Variants in NUP107 observed in about 807,000 individuals in gnomAD.
The protein encoded by NUP107 is nuclear pore complex protein Nup107.
A neutral mutation model predicts 141.0 loss-of-function variants in NUP107; 101 were observed. The observed-to-expected ratio is 0.72, with a 90% CI of 0.61 to 0.84. The LOEUF is 0.84. Among genes scored for constraint, NUP107 ranks in the 40% least tolerant of loss-of-function variants. NUP107 has a pLI of 0.00. For missense variants in NUP107, 941 were observed against 1,102.7 expected, an observed-to-expected ratio of 0.85 and a Z score of 2.08; for synonymous variants, 319 against 363.9, an observed-to-expected ratio of 0.88 and a Z score of 1.41.
chr12:68,700,745 T>C lies in NUP107; in HGVS notation c.572T>C (p.Ile191Thr). Reference sequence around the variant, plus strand: ...ATTCAGGTGAATATACTGAGTAAAATAGTGAGTCGAGCAACACCTGGACTT... The same window carrying C: ...ATTCAGGTGAATATACTGAGTAAAACAGTGAGTCGAGCAACACCTGGACTT... ...CGSQVNILSKIVSRATPGLQK... is the reference protein window; with the variant it reads ...CGSQVNILSKTVSRATPGLQK... The change falls in exon 7 of 28, where the codon ATA (isoleucine) becomes ACA (threonine). Residue 191 changes from isoleucine to threonine, a missense_variant. Physicochemically the swap from Ile to Thr is moderately conservative, Grantham distance 89. Transcript: ENST00000229179. The C allele has an allele frequency of 6.2e-7, 1 of 1,607,966 alleles. No individual in the cohort carries two copies. Among genetic ancestry groups the C allele is most frequent in the Non-Finnish European group, 8.5e-7 (1 of 1,178,470 alleles).
At chr12:68,738,514 C>T (rs1451871771) in intron 26 of NUP107, among the ~76,000 whole-genome samples, 1 of 151,862 alleles carries the variant, frequency 6.6e-6, no homozygotes, top group Non-Finnish European at 1.5e-5. Context: ...GGCAAGTGCA[C>T]ACAATATGTA....
Position 68,688,955 on chromosome 12 carries a change from AC to A in NUP107, c.9-6del. ...TCACTTATATAAGCTTGATTATACTACTTTAGGAGTGGCTTTGGAGAGATAT... is the reference window on the plus strand; with the variant it reads ...TCACTTATATAAGCTTGATTATACTATTTAGGAGTGGCTTTGGAGAGATAT... On this transcript the variant is annotated splice_polypyrimidine_tract_variant and splice_region_variant and intron_variant, in intron 1 of 27. Transcript: ENST00000229179. 1 of 1,602,774 alleles carries A rather than the reference AC, an allele frequency of 6.2e-7. No individual in the cohort carries two copies. The highest frequency in any genetic ancestry group is 8.5e-7 in the Non-Finnish European group (1 of 1,170,798).
In NUP107 at chr12:68,710,998, T is replaced by A. The variant is rs181546631; in HGVS notation, c.890+905T>A. Among the ~76,000 whole-genome samples, 191 of 149,840 alleles carry A rather than the reference T, an allele frequency of 1.3e-3. 3 individuals carry two copies. Among genetic ancestry groups the A allele is most frequent in the Middle Eastern group, 3.4e-3 (1 of 290 alleles). On this transcript the variant is annotated intron_variant, in intron 10 of 27. Coordinates refer to ENST00000229179, the MANE Select transcript of NUP107 (RefSeq NM_020401.4). ...GAGGCTCGGCGCTGTGGTTCACACC[T>A]GTAATCCCAGCACTTTGGGAGGCTG...
intron 8 of NUP107, among the ~76,000 whole-genome samples, chr12:68,703,294 A>G (rs1876423157): frequency 6.6e-6 from 1 of 152,232 alleles, no homozygotes; most frequent in Non-Finnish European, 1.5e-5. Flanking sequence ...CTGACTATTT[A>G]GTGTAACAGT....
At chr12:68,720,037 G>T (rs1022460080) in intron 14 of NUP107, among the ~76,000 whole-genome samples, 4 of 152,074 alleles carry the variant, frequency 2.6e-5, no homozygotes, top group African/African-American at 9.7e-5. Context: ...AAGTAAGGTG[G>T]GTCTACCAGG....
chr12:68,734,939 A>AG, intron 25 of NUP107, 106 bp downstream of exon 25: 16 of 1,259,046 alleles, frequency 1.3e-5, no homozygotes, highest in Non-Finnish European at 1.8e-5. Flanking sequence ...CATAACAGGT[A>AG]ATCTCCCTGT....
rs1003856348 is a variant in NUP107, at chr12:68,720,995, G to A, written c.1252-123G>A. On this transcript the variant is annotated intron_variant, in intron 14 of 27. Transcript: ENST00000229179. ...TTACCCCACTAGATCTTTCACTAAA[G>A]TTTAAAAACTATCAAGTGAATAGGT... is the stretch of plus-strand genomic sequence containing the variant. 21 of 548,518 alleles carry A rather than the reference G, an allele frequency of 3.8e-5. No homozygotes were observed. The South Asian group carries it at 5.1e-4, about 13-fold the overall frequency. 34.0% of individuals were successfully genotyped at this position (548,518 alleles called of 1,614,324 possible).
chr12:68,730,802 T>TA (rs1354007691), intron 20 of NUP107, among the ~76,000 whole-genome samples: 52 of 150,494 alleles, frequency 3.5e-4, no homozygotes, highest in African/African-American at 1.0e-3. Flanking sequence ...CCATCTCTAC[T>TA]AAAAAAAAAT....
chr12:68,703,326 C>T (rs1218805769), intron 8 of NUP107, among the ~76,000 whole-genome samples: 1 of 152,172 alleles, frequency 6.6e-6, no homozygotes, highest in Non-Finnish European at 1.5e-5. Flanking sequence ...TCCTACCAGA[C>T]ATTTTTCTAT....
rs937013549 is a variant in NUP107, at chr12:68,707,840, C to T, written c.730-1398C>T. Among the ~76,000 whole-genome samples, 4 of 151,962 alleles carry T rather than the reference C, an allele frequency of 2.6e-5. No homozygotes were observed. In the South Asian group the frequency reaches 6.2e-4, roughly 24 times the overall value. ...GGCTGGATGAGGTGGCTCATGCCTG[C>T]GATCCCAGCACTTTGGGAGGCCGAG... On this transcript the variant is annotated intron_variant, in intron 8 of 27. Transcript: ENST00000229179.
chr12:68,691,397 A>C (rs1188580927), intron 4 of NUP107, among the ~76,000 whole-genome samples: 1 of 152,240 alleles, frequency 6.6e-6, no homozygotes, highest in East Asian at 1.9e-4. Context: ...AGGAAGAGAT[A>C]AAATGTATTA....
chr12:68,720,553 CG>C (rs1565697635), intron 14 of NUP107, among the ~76,000 whole-genome samples: 1 of 152,044 alleles, frequency 6.6e-6, no homozygotes, highest in East Asian at 1.9e-4. Flanking sequence ...TGGTCAGGAC[CG>C]GTGATTAGAA....
At chr12:68,708,871 G>A (rs1000401242) in intron 8 of NUP107, among the ~76,000 whole-genome samples, 2 of 149,876 alleles carry the variant, frequency 1.3e-5, no homozygotes, top group Admixed American at 1.3e-4. Flanking sequence ...TGCCTGCCTC[G>A]GCCTCCCAAA....
intron 8 of NUP107, among the ~76,000 whole-genome samples, chr12:68,708,760 A>T (rs1876711161): frequency 6.6e-6 from 1 of 151,988 alleles, no homozygotes; most frequent in Non-Finnish European, 1.5e-5. Context: ...CTGGGATTAC[A>T]GGCTTGCGTC....
In NUP107 at chr12:68,713,760, G is replaced by T. The variant is rs775863283; in HGVS notation, c.921G>T (p.Arg307=). 1 of 1,607,760 alleles carries T rather than the reference G, an allele frequency of 6.2e-7. No homozygotes were observed. The change falls in exon 11 of 28, where the codon CGG becomes CGT. Residue 307 remains arginine, a synonymous_variant. Coordinates refer to ENST00000229179, the MANE Select transcript of NUP107 (RefSeq NM_020401.4). ...WENTLHTLKQ[R]QLTSYVGSVR... ...ATACTCTGCATACCTTAAAACAACG[G>T]CAGCTGACTTCTTACGTTGGAAGTG...
At chr12:68,725,835 GTGT>G in intron 18 of NUP107, 39 bp downstream of exon 18, 3 of 693,304 alleles carry the variant, frequency 4.3e-6, no homozygotes, top group Non-Finnish European at 4.2e-6. Flanking sequence ...TTTTTTGTGT[GTGT>G]TTTTTTTTTT....
At chr12:68,728,714 CCTGT>C (rs1306068749) in intron 20 of NUP107, among the ~76,000 whole-genome samples, 3 of 148,886 alleles carry the variant, frequency 2.0e-5, no homozygotes, top group Admixed American at 1.3e-4. Flanking sequence ...CCGGCCTGGA[CCTGT>C]CTTTTTTTTT....
intron 26 of NUP107, among the ~76,000 whole-genome samples, chr12:68,738,365 G>T (rs962031076): frequency 2.7e-5 from 4 of 147,118 alleles, no homozygotes; most frequent in Non-Finnish European, 1.5e-5. Context: ...CAGGAGAATC[G>T]ATTGAACCCA....
chr12:68,701,322 T>A (rs1592497443), intron 7 of NUP107, among the ~76,000 whole-genome samples: 1 of 152,326 alleles, frequency 6.6e-6, no homozygotes, highest in East Asian at 1.9e-4. Flanking sequence ...AAACTACTAC[T>A]AAGGAATTGG....
Sources: allele counts gnomAD v4.1 joint callset (sites outside exome capture counted in the v4.1 genomes callset), GRCh38; gene constraint gnomAD v4.1.1; transcripts MANE v1.5; gene names NCBI Gene and HGNC (gene_info 2026-07-23, HGNC 2026-07-21).